The following KCNK13 variants were observed in gnomAD, a reference collection of about 807,000 sequenced individuals.
The protein encoded by KCNK13 is potassium channel subfamily K member 13.
In KCNK13, 12 loss-of-function variants were observed where a neutral mutation model predicts 23.4. That is an observed-to-expected ratio of 0.51 (90% CI 0.33 to 0.83). The LOEUF is 0.83. Ranked by LOEUF, KCNK13 falls within the 40% of genes least tolerant of loss-of-function variation. KCNK13 has a pLI of 0.02. For missense variants in KCNK13, 463 were observed against 556.3 expected, an observed-to-expected ratio of 0.83 and a Z score of 1.69; for synonymous variants, 231 against 229.5, an observed-to-expected ratio of 1.01 and a Z score of -0.06.
At chr14:90,068,813 G>A (rs1245258600) in intron 1 of KCNK13, among the ~76,000 whole-genome samples, 1 of 152,064 alleles carries the variant, frequency 6.6e-6, no homozygotes, top group Non-Finnish European at 1.5e-5. Flanking sequence ...GGCCAGGCAG[G>A]TGTGGTGAGG....
At chr14:90,171,510 A>G (rs532201284) in intron 1 of KCNK13, among the ~76,000 whole-genome samples, 1 of 152,380 alleles carries the variant, frequency 6.6e-6, no homozygotes, top group East Asian at 1.9e-4. Flanking sequence ...AAGGTTGAAG[A>G]CACGTGCCTG....
chr14:90,132,555 AAAAAG>A (rs1224364673), intron 1 of KCNK13, among the ~76,000 whole-genome samples: 3 of 151,990 alleles, frequency 2.0e-5, no homozygotes, highest in East Asian at 1.9e-4. Context: ...AAAAAAAAAA[AAAAAG>A]AAAGAAAGAA....
chr14:90,092,046 C>T (rs1209154200), intron 1 of KCNK13, among the ~76,000 whole-genome samples: 3 of 151,496 alleles, frequency 2.0e-5, no homozygotes, highest in Admixed American at 6.6e-5. Flanking sequence ...CTCAGCCTCC[C>T]GAGTAGCTGG....
At chr14:90,117,972 G>A (rs1161072654) in intron 1 of KCNK13, among the ~76,000 whole-genome samples, 1 of 152,172 alleles carries the variant, frequency 6.6e-6, no homozygotes, top group Non-Finnish European at 1.5e-5. Context: ...CCACACAACA[G>A]GTGAGTTCGA....
intron 1 of KCNK13, among the ~76,000 whole-genome samples, chr14:90,126,752 A>T (rs1181436761): frequency 6.6e-6 from 1 of 152,088 alleles, no homozygotes; most frequent in Non-Finnish European, 1.5e-5. Flanking sequence ...CCATTTTACC[A>T]GGCTGGTCTC....
chr14:90,129,542 G>A (rs924857415), intron 1 of KCNK13, among the ~76,000 whole-genome samples: 5 of 152,152 alleles, frequency 3.3e-5, no homozygotes, highest in Non-Finnish European at 7.3e-5. Context: ...TGGGAACCAC[G>A]GTCTAAGGTC....
At position 90,112,223 on chromosome 14, in the gene KCNK13, A is replaced by G. The variant is rs939296357; in HGVS notation, c.334+49684A>G. Among the ~76,000 whole-genome samples, 13 of 152,180 alleles carry G rather than the reference A, an allele frequency of 8.5e-5. 1 individual carries two copies. The highest frequency in any genetic ancestry group is 4.1e-4 in the South Asian group (2 of 4,834). ...GCCATTTACATTGTGTTCCGTGGGTAAGGCGGTGCTGCTGACATGCAGGGA... is the reference window on the plus strand; with the variant it reads ...GCCATTTACATTGTGTTCCGTGGGTGAGGCGGTGCTGCTGACATGCAGGGA... On this transcript the variant is annotated intron_variant, in intron 1 of 1. Coordinates refer to ENST00000282146, the MANE Select transcript of KCNK13 (RefSeq NM_022054.4).
intron 1 of KCNK13, among the ~76,000 whole-genome samples, chr14:90,136,874 C>T (rs1889943105): frequency 6.6e-6 from 1 of 152,118 alleles, no homozygotes; most frequent in Admixed American, 6.5e-5. Flanking sequence ...AAAGGTTACC[C>T]CCACGAAGGT....
chr14:90,166,691 G>A (rs561758526), intron 1 of KCNK13, among the ~76,000 whole-genome samples: 1 of 148,450 alleles, frequency 6.7e-6, no homozygotes, highest in African/African-American at 2.5e-5. Context: ...GGGCGACAGA[G>A]CAAGACTCTG....
intron 1 of KCNK13, among the ~76,000 whole-genome samples, chr14:90,080,411 A>T (rs1889193575): frequency 6.6e-6 from 1 of 152,052 alleles, no homozygotes; most frequent in Non-Finnish European, 1.5e-5. Context: ...AGCCGAGATC[A>T]CTCTATTGTA....
At chr14:90,063,048 G>A (rs1322497966) in intron 1 of KCNK13, among the ~76,000 whole-genome samples, 3 of 152,270 alleles carry the variant, frequency 2.0e-5, no homozygotes, top group Middle Eastern at 3.4e-3. Flanking sequence ...AAGTGAGGAA[G>A]CAAAAGTGCC....
chr14:90,102,357 C>T (rs943333681), intron 1 of KCNK13, among the ~76,000 whole-genome samples: 8 of 152,200 alleles, frequency 5.3e-5, no homozygotes, highest in Non-Finnish European at 8.8e-5. Context: ...ATAACTCTCC[C>T]ATCAACTATA....
chr14:90,153,364 A>G (rs1312959443), intron 1 of KCNK13, among the ~76,000 whole-genome samples: 1 of 152,222 alleles, frequency 6.6e-6, no homozygotes, highest in Non-Finnish European at 1.5e-5. Flanking sequence ...TTTTACCTCT[A>G]TAAGTCTCTG....
At chr14:90,175,409 A>G (rs1472080892) in intron 1 of KCNK13, among the ~76,000 whole-genome samples, 1 of 152,200 alleles carries the variant, frequency 6.6e-6, no homozygotes, top group Non-Finnish European at 1.5e-5. Flanking sequence ...TATCAACAGT[A>G]GAATGCTCTC....
intron 1 of KCNK13, among the ~76,000 whole-genome samples, chr14:90,123,549 G>A (rs1889763198): frequency 6.6e-6 from 1 of 152,152 alleles, no homozygotes; most frequent in African/African-American, 2.4e-5. Flanking sequence ...CAGAAATTTG[G>A]GGTGGACACA....
Position 90,169,458 on chromosome 14 carries a change from G to A in KCNK13, c.335-14653G>A, listed in dbSNP as rs140976138. Among the ~76,000 whole-genome samples the A allele has an allele frequency of 5.6e-3, 853 of 152,242 alleles. 7 individuals are homozygous for A. The highest frequency in any genetic ancestry group is 0.02 in the African/African-American group (815 of 41,538). The stretch of plus-strand genomic sequence containing the variant: ...TGTCAACACAGTGTTTGAAACCTAC[G>A]GAATACTCAATGCTGCCTTATTTGA... On this transcript the variant is annotated intron_variant, in intron 1 of 1. Coordinates refer to ENST00000282146, the MANE Select transcript of KCNK13 (RefSeq NM_022054.4).
At chr14:90,106,838 A>G (rs1218108257) in intron 1 of KCNK13, among the ~76,000 whole-genome samples, 1 of 151,948 alleles carries the variant, frequency 6.6e-6, no homozygotes, top group African/African-American at 2.4e-5. Context: ...CCTGGCCAAC[A>G]TGGCGAAACC....
intron 1 of KCNK13, among the ~76,000 whole-genome samples, chr14:90,095,851 C>T (rs1889404565): frequency 6.6e-6 from 1 of 152,174 alleles, no homozygotes; most frequent in South Asian, 2.1e-4. Flanking sequence ...CTTCAGGTGT[C>T]AACTGCAGGC....
At chr14:90,106,127 C>A (rs1035871256) in intron 1 of KCNK13, among the ~76,000 whole-genome samples, 1 of 152,218 alleles carries the variant, frequency 6.6e-6, no homozygotes, top group Non-Finnish European at 1.5e-5. Flanking sequence ...TTCTGCTCAA[C>A]TCCTATAATA....
Sources: gnomAD v4.1 joint callset for allele counts (sites outside exome capture counted in the v4.1 genomes callset) on GRCh38, gnomAD v4.1.1 for gene constraint, MANE v1.5 for transcripts, NCBI Gene and HGNC (gene_info 2026-07-23, HGNC 2026-07-21) for gene names.